The following USP49 variants were observed in gnomAD, a reference collection of about 807,000 sequenced individuals.
USP49 encodes the protein ubiquitin carboxyl-terminal hydrolase 49.
In USP49, 24 loss-of-function variants were observed where a neutral mutation model predicts 58.6. The observed-to-expected ratio is 0.41, with a 90% CI of 0.30 to 0.58. The LOEUF (loss-of-function observed/expected upper bound fraction) is 0.58, where lower values mean the gene tolerates loss of function less well. Among genes scored for constraint, USP49 ranks in the 20% least tolerant of loss-of-function variants. The probability of loss-of-function intolerance (pLI) is 0.30; values close to 1 mark genes in which losing one functional copy is unlikely to be tolerated. For missense variants in USP49, 703 were observed against 866.1 expected, an observed-to-expected ratio of 0.81 and a Z score of 2.36; for synonymous variants, 408 against 365.1, an observed-to-expected ratio of 1.12 and a Z score of -1.34.
At chr6:41,889,220 G>A (rs1199068671) in intron 2 of USP49, among the ~76,000 whole-genome samples, 2 of 151,608 alleles carry the variant, frequency 1.3e-5, no homozygotes, top group South Asian at 2.1e-4. Flanking sequence ...TTTAGTAGAG[G>A]TGGGGTTTTA....
chr6:41,833,875 C>T (rs778259588), intron 3 of USP49, among the ~76,000 whole-genome samples: 6 of 152,214 alleles, frequency 3.9e-5, no homozygotes, highest in Non-Finnish European at 8.8e-5. Context: ...TCTGTCTTGG[C>T]AGTTTATCTA....
chr6:41,836,434 T>C (rs893169427), intron 3 of USP49, among the ~76,000 whole-genome samples: 3 of 152,130 alleles, frequency 2.0e-5, no homozygotes, highest in Non-Finnish European at 2.9e-5. Context: ...GGGTAAAAGT[T>C]AGAAGCATTC....
intron 3 of USP49, among the ~76,000 whole-genome samples, chr6:41,819,129 G>A (rs542685639): frequency 2.6e-5 from 4 of 152,078 alleles, no homozygotes; most frequent in East Asian, 3.9e-4. Context: ...GGTCGGGTTC[G>A]GATAAATAAA....
chr6:41,824,621 G>C (rs1490277820), intron 3 of USP49, among the ~76,000 whole-genome samples: 2 of 152,092 alleles, frequency 1.3e-5, no homozygotes, highest in African/African-American at 4.8e-5. Context: ...AAGGAGAATC[G>C]CTTGAACCTG....
chr6:41,857,394 CA>C (rs1360547867), intron 3 of USP49, among the ~76,000 whole-genome samples: 6 of 152,312 alleles, frequency 3.9e-5, no homozygotes, highest in African/African-American at 1.4e-4. Context: ...CCTATAATCC[CA>C]GCACTTTGGG....
intron 5 of USP49, among the ~76,000 whole-genome samples, chr6:41,800,542 G>T (rs1772979307): frequency 6.6e-6 from 1 of 152,144 alleles, no homozygotes; most frequent in African/African-American, 2.4e-5. Context: ...ATATGTTAAG[G>T]TTCCATGTCT....
chr6:41,806,242 T>A lies in USP49; in HGVS notation c.742A>T (p.Met248Leu). Residue 248 changes from methionine (M) to leucine (L), a missense_variant, in exon 4 of 8, where the codon ATG becomes TTG. This residue lies in a region of USP49 where 376 missense variants were observed against 373.5 expected (regional missense o/e 1.01). Coordinates refer to ENST00000682992, the MANE Select transcript of USP49 (RefSeq NM_001286554.2). This position sits in a 1 kb window ranked among gnomAD's most constrained non-coding sequence, Gnocchi z 5.9. ...ATLKLRRQPA[M>L]APGVTGLRNL... ...CGCAGGCCCGTGACGCCTGGGGCCA[T>A]GGCCGGCTGGCGACGCAGCTTGAGT... 1 of 1,609,658 alleles carries A rather than the reference T, an allele frequency of 6.2e-7. No homozygotes were observed. The highest frequency in any genetic ancestry group is 8.5e-7 in the Non-Finnish European group (1 of 1,179,938).
chr6:41,878,134 G>A (rs1375819629), intron 2 of USP49, among the ~76,000 whole-genome samples: 1 of 152,106 alleles, frequency 6.6e-6, no homozygotes, highest in Non-Finnish European at 1.5e-5. Context: ...ATTATAAACT[G>A]GCAAGAGCTG....
chr6:41,881,885 A>T (rs907665232), intron 2 of USP49, among the ~76,000 whole-genome samples: 1 of 152,168 alleles, frequency 6.6e-6, no homozygotes, highest in Non-Finnish European at 1.5e-5. Context: ...ATTCTTTCAT[A>T]CTCATGGATA....
At chr6:41,829,250 G>A (rs1394285981) in intron 3 of USP49, among the ~76,000 whole-genome samples, 1 of 151,638 alleles carries the variant, frequency 6.6e-6, no homozygotes, top group Non-Finnish European at 1.5e-5. Flanking sequence ...AAAGGTTGCT[G>A]ATCTGAAACT....
At chr6:41,849,029 T>C (rs1359674216) in intron 3 of USP49, among the ~76,000 whole-genome samples, 1 of 152,038 alleles carries the variant, frequency 6.6e-6, no homozygotes, top group Non-Finnish European at 1.5e-5. Context: ...AAGTCATATA[T>C]TGACTGGAGT....
At chr6:41,802,127 A>G (rs1773009611) in intron 5 of USP49, among the ~76,000 whole-genome samples, 1 of 152,118 alleles carries the variant, frequency 6.6e-6, no homozygotes, top group Admixed American at 6.5e-5. Flanking sequence ...AACCAGGTAT[A>G]AAATTTCAAA....
chr6:41,807,645 T>C (rs1403355879), intron 3 of USP49, among the ~76,000 whole-genome samples: 1 of 152,020 alleles, frequency 6.6e-6, no homozygotes, highest in Non-Finnish European at 1.5e-5. Context: ...TTTCAACATG[T>C]TGGCCAGGTT....
intron 3 of USP49, among the ~76,000 whole-genome samples, chr6:41,843,606 CA>C: frequency 6.6e-6 from 1 of 152,202 alleles, no homozygotes; most frequent in South Asian, 2.1e-4. Flanking sequence ...CAAAGCAAAA[CA>C]GTATCTTTAA....
intron 3 of USP49, among the ~76,000 whole-genome samples, chr6:41,861,507 G>A (rs1471712696): frequency 2.6e-5 from 4 of 152,080 alleles, no homozygotes; most frequent in Non-Finnish European, 4.4e-5. Context: ...GTATTCTCCC[G>A]CTGCTTTCTG....
intron 2 of USP49, among the ~76,000 whole-genome samples, chr6:41,878,047 T>C (rs1774533339): frequency 6.6e-6 from 1 of 152,156 alleles, no homozygotes. Context: ...GGATGCTCAT[T>C]TGTAAAGGAT....
intron 2 of USP49, among the ~76,000 whole-genome samples, chr6:41,884,948 T>C (rs1173179534): frequency 6.6e-6 from 1 of 152,184 alleles, no homozygotes; most frequent in Non-Finnish European, 1.5e-5. Context: ...AAAATCAAAA[T>C]ACAAAAAGAA....
In USP49 at chr6:41,797,941, C is replaced by T. The variant is rs1358820752; in HGVS notation, c.1876+783G>A. Reference sequence around the variant, plus strand: ...AGAATGCAGTGGTGAAATCATAGCTCATTGCAACTTCAAACTCCTGGGCTT... The same window carrying T: ...AGAATGCAGTGGTGAAATCATAGCTTATTGCAACTTCAAACTCCTGGGCTT... On this transcript the variant is annotated intron_variant, in intron 7 of 7. Transcript: ENST00000682992. 3 of 522,158 alleles carry T rather than the reference C, an allele frequency of 5.7e-6. No homozygotes were observed. The African/African-American group carries it at 6.2e-5, about 11-fold the overall frequency. The allele number at this position is 522,158 out of a possible 1,614,324, so 32.3% of individuals were successfully genotyped here. A position where few individuals can be genotyped will look rare whatever the true frequency, so the allele number is the denominator to read the frequency against.
intron 5 of USP49, among the ~76,000 whole-genome samples, chr6:41,801,823 C>G (rs1773002125): frequency 6.6e-6 from 1 of 152,206 alleles, no homozygotes; most frequent in South Asian, 2.1e-4. Flanking sequence ...ATCCCCTCAC[C>G]ATAGGTTTCC....
Sources: gnomAD v4.1 joint callset for allele counts (sites outside exome capture counted in the v4.1 genomes callset) on GRCh38, gnomAD v4.1.1 for gene constraint, gnomAD v4.1.1 regional missense constraint, Gnocchi (gnomAD v3.1) non-coding constraint, MANE v1.5 for transcripts, NCBI Gene and HGNC (gene_info 2026-07-23, HGNC 2026-07-21) for gene names.